The following PKHD1 variants were observed in gnomAD, a reference collection of about 807,000 sequenced individuals.
PKHD1 encodes the protein PKHD1 ciliary IPT domain containing fibrocystin/polyductin.
A neutral mutation model predicts 412.0 loss-of-function variants in PKHD1; 291 were observed. That is an observed-to-expected ratio of 0.71 (90% CI 0.64 to 0.78). The LOEUF (loss-of-function observed/expected upper bound fraction) is 0.78, where lower values mean the gene tolerates loss of function less well. Ranked by LOEUF, PKHD1 falls within the 30% of genes least tolerant of loss-of-function variation. The pLI is 0.00. For missense variants in PKHD1, 4,825 were observed against 4,950.7 expected (o/e 0.97, Z 0.76); for synonymous variants, 1,777 against 1,821.5 (o/e 0.98, Z 0.62).
intron 43 of PKHD1, among the ~76,000 whole-genome samples, chr6:51,894,672 T>A (rs1210520011): frequency 6.6e-6 from 1 of 152,216 alleles, no homozygotes; most frequent in Non-Finnish European, 1.5e-5. Context: ...GGTCAGAGAT[T>A]TCAAGGTCAG....
At chr6:52,077,662 T>C (rs556764777) in intron 5 of PKHD1, among the ~76,000 whole-genome samples, 36 of 152,212 alleles carry the variant, frequency 2.4e-4, no homozygotes, top group Non-Finnish European at 5.0e-4. Flanking sequence ...GTTTTAAGTA[T>C]TGATCCATAT....
intron 35 of PKHD1, among the ~76,000 whole-genome samples, chr6:51,982,170 C>G (rs1330729160): frequency 4.7e-5 from 2 of 42,514 alleles, no homozygotes; most frequent in Non-Finnish European, 5.2e-5. Context: ...GCAGCCACCC[C>G]GTCCGGGAGG....
At chr6:51,643,262 A>C (rs1472791370) in intron 63 of PKHD1, among the ~76,000 whole-genome samples, 1 of 152,110 alleles carries the variant, frequency 6.6e-6, no homozygotes, top group Non-Finnish European at 1.5e-5. Flanking sequence ...GGATAAATTC[A>C]CTTCATTTTC....
At chr6:51,807,458 A>AAT (rs1216445909) in intron 52 of PKHD1, among the ~76,000 whole-genome samples, 619 of 49,664 alleles carry the variant, frequency 0.012, 17 homozygotes, top group African/African-American at 0.016. Context: ...AAAAAAAAAA[A>AAT]ATATATATAT....
chr6:52,017,450 C>A lies in PKHD1; in HGVS notation c.5560G>T (p.Ala1854Ser). The A allele has an allele frequency of 1.2e-6, 2 of 1,613,892 alleles. No individual in the cohort carries two copies. The highest frequency in any genetic ancestry group is 1.7e-6 in the Non-Finnish European group (2 of 1,179,758). ...SQCLFVPDHWAESMFPSFSGL... is the reference protein window; with the variant it reads ...SQCLFVPDHWSESMFPSFSGL... ...GAGAATGATGGAAACATTGACTCTG[C>A]CCAATGATCTGGCACAAAGAGGCAT... is the stretch of plus-strand genomic sequence containing the variant. Residue 1854 changes from alanine to serine, a missense_variant, in exon 34 of 67, where the codon GCA becomes TCA. Transcript: ENST00000371117.
In PKHD1 at chr6:51,692,453, T is replaced by A. The variant is rs117445116; in HGVS notation, c.10157-32484A>T. Among the ~76,000 whole-genome samples the A allele has an allele frequency of 2.1e-3, 317 of 152,318 alleles. 3 individuals carry two copies. The highest frequency in any genetic ancestry group is 0.013 in the East Asian group (69 of 5,188). On this transcript the variant is annotated intron_variant, in intron 60 of 66. Transcript: ENST00000371117. ...TCTTCTACCTCCATGACTTAGTCAC[T>A]GATTTCTCAAACAAATCTGAGGACA...
At chr6:51,725,697 T>G (rs1353419839) in intron 60 of PKHD1, among the ~76,000 whole-genome samples, 1 of 152,208 alleles carries the variant, frequency 6.6e-6, no homozygotes, top group Non-Finnish European at 1.5e-5. Flanking sequence ...AGGTCATTAT[T>G]GCATTAAGAA....
intron 60 of PKHD1, among the ~76,000 whole-genome samples, chr6:51,722,428 A>C (rs936793099): frequency 3.3e-5 from 5 of 152,188 alleles, no homozygotes; most frequent in Admixed American, 6.6e-5. Context: ...ATTCAGATGG[A>C]CTTGAATGCA....
In PKHD1 at chr6:51,755,010, G is replaced by A. The variant is rs9370049; in HGVS notation, c.8643-72C>T. The stretch of plus-strand genomic sequence containing the variant: ...AAATCATCTATTAACTCCAGAGCAA[G>A]AAAAGGAAATCCACTGTGACCAACA... On this transcript the variant is annotated intron_variant, in intron 55 of 66. Transcript: ENST00000371117. The A allele has an allele frequency of 0.38, 503,828 of 1,310,148 alleles. 104,109 individuals carry two copies. Among genetic ancestry groups the A allele is most frequent in the East Asian group, 0.67 (29,150 of 43,328 alleles). The allele number at this position is 1,310,148 out of a possible 1,614,324, so 81.2% of individuals were successfully genotyped here.
At chr6:51,691,623 T>C (rs1242202268) in intron 60 of PKHD1, among the ~76,000 whole-genome samples, 3 of 152,004 alleles carry the variant, frequency 2.0e-5, no homozygotes, top group Non-Finnish European at 4.4e-5. Flanking sequence ...CACAGACACG[T>C]AGACAGGAAC....
At chr6:51,902,997 G>A (rs1781515064) in intron 43 of PKHD1, among the ~76,000 whole-genome samples, 1 of 152,052 alleles carries the variant, frequency 6.6e-6, no homozygotes, top group Non-Finnish European at 1.5e-5. Flanking sequence ...AGATAGTGAA[G>A]GTTTAAAAAG....
At chr6:51,722,023 G>A in intron 60 of PKHD1, 5 of 1,613,096 alleles carry the variant, frequency 3.1e-6, no homozygotes, top group Non-Finnish European at 4.2e-6. Context: ...AGTGGTTACT[G>A]AAGTAAACAG....
At chr6:51,670,068 T>C (rs1474939697) in intron 60 of PKHD1, among the ~76,000 whole-genome samples, 12 of 143,416 alleles carry the variant, frequency 8.4e-5, no homozygotes, top group Non-Finnish European at 1.6e-4. Flanking sequence ...TAGGTCTGCT[T>C]GGTGCAGAGC....
chr6:51,641,756 G>A (rs563016883), intron 63 of PKHD1, among the ~76,000 whole-genome samples: 1 of 152,234 alleles, frequency 6.6e-6, no homozygotes, highest in African/African-American at 2.4e-5. Flanking sequence ...CATGGATGAA[G>A]CTGGAAACCA....
At chr6:51,863,606 G>A (rs1774555697) in intron 48 of PKHD1, among the ~76,000 whole-genome samples, 1 of 152,106 alleles carries the variant, frequency 6.6e-6, no homozygotes. Flanking sequence ...GATAGAGAAG[G>A]AATCAGCAAT....
At chr6:51,956,305 CGTGTGT>C (rs3062566) in intron 36 of PKHD1, among the ~76,000 whole-genome samples, 9,910 of 149,962 alleles carry the variant, frequency 0.066, 767 homozygotes, top group African/African-American at 0.18. Flanking sequence ...CTTATACATA[CGTGTGT>C]GTGTGTGTGT....
chr6:51,831,248 G>T (rs1041912853), intron 51 of PKHD1, among the ~76,000 whole-genome samples: 33 of 152,154 alleles, frequency 2.2e-4, no homozygotes, highest in African/African-American at 7.0e-4. Context: ...TGCTTATCAT[G>T]AAATATTTAA....
intron 66 of PKHD1, among the ~76,000 whole-genome samples, chr6:51,623,634 A>G (rs1766895620): frequency 6.6e-6 from 1 of 152,018 alleles, no homozygotes; most frequent in African/African-American, 2.4e-5. Flanking sequence ...CCCAGGCTGG[A>G]ATGCAGTGGC....
intron 35 of PKHD1, among the ~76,000 whole-genome samples, chr6:51,971,645 G>A (rs1051859311): frequency 6.6e-6 from 1 of 152,162 alleles, no homozygotes; most frequent in African/African-American, 2.4e-5. Context: ...AACATGGCCA[G>A]GATATGTGTG....
Sources: gnomAD v4.1 joint callset for allele counts (sites outside exome capture counted in the v4.1 genomes callset) on GRCh38, gnomAD v4.1.1 for gene constraint, MANE v1.5 for transcripts, NCBI Gene and HGNC (gene_info 2026-07-23, HGNC 2026-07-21) for gene names.